ANO4: variants seen among roughly 807,000 people sequenced by gnomAD.
The protein encoded by ANO4 is anoctamin 4, also known as anoctamin-4.
In ANO4, 69 loss-of-function variants were observed where a neutral mutation model predicts 141.9. The observed-to-expected ratio is 0.49, with a 90% CI of 0.40 to 0.59. ANO4 has a LOEUF of 0.59. Among genes scored for constraint, ANO4 ranks in the 20% least tolerant of loss-of-function variants. The probability of loss-of-function intolerance (pLI) is 0.00; values close to 1 mark genes in which losing one functional copy is unlikely to be tolerated. For synonymous variants in ANO4, 350 were observed against 394.3 expected, an observed-to-expected ratio of 0.89 and a Z score of 1.33; for missense variants, 894 against 1,162.2, an observed-to-expected ratio of 0.77 and a Z score of 3.36.
At position 101,049,060 on chromosome 12, in the gene ANO4, C is replaced by A. The variant is rs189106744; in HGVS notation, c.1312+659C>A. Among the ~76,000 whole-genome samples the A allele has an allele frequency of 5.9e-3, 902 of 152,256 alleles. 5 individuals are homozygous for A. Among genetic ancestry groups the A allele is most frequent in the Middle Eastern group, 0.01 (3 of 292 alleles). On this transcript the variant is annotated intron_variant, in intron 14 of 27. Transcript: ENST00000392977. The stretch of plus-strand genomic sequence containing the variant: ...TCAATTTAATGATATAGAAAAACAT[C>A]TCACAAATTCATGGAAAGCAGTTAA...
chr12:101,114,600 G>T (rs556763943), intron 24 of ANO4, among the ~76,000 whole-genome samples: 70 of 152,250 alleles, frequency 4.6e-4, no homozygotes, highest in African/African-American at 1.6e-3. Context: ...TAAAGCCTCG[G>T]GGCTGGTCTG....
intron 3 of ANO4, among the ~76,000 whole-genome samples, chr12:100,930,661 A>T (rs954247325): frequency 1.1e-4 from 17 of 152,126 alleles, no homozygotes; most frequent in African/African-American, 3.9e-4. Flanking sequence ...TTTCTGTGGC[A>T]GAAGGAAGGT....
intron 11 of ANO4, among the ~76,000 whole-genome samples, chr12:101,040,651 A>G (rs2047376585): frequency 6.6e-6 from 1 of 152,148 alleles, no homozygotes; most frequent in Non-Finnish European, 1.5e-5. Context: ...CATGTGCAGA[A>G]CATGCAGTTT....
chr12:101,118,272 G>C (rs1239830992), intron 25 of ANO4, among the ~76,000 whole-genome samples: 2 of 152,094 alleles, frequency 1.3e-5, no homozygotes, highest in Admixed American at 1.3e-4. Flanking sequence ...TAAAAATACA[G>C]AGTCTTTCTC....
intron 14 of ANO4, among the ~76,000 whole-genome samples, chr12:101,072,862 T>C (rs970761744): frequency 1.3e-5 from 2 of 152,148 alleles, no homozygotes; most frequent in African/African-American, 4.8e-5. Context: ...ATCAGAGGAA[T>C]GCAAATCAAA....
At chr12:100,729,392 G>GAAAAAAAAAAAAAAA (rs2031289316) in intron 1 of ANO4, among the ~76,000 whole-genome samples, 1 of 65,212 alleles carries the variant, frequency 1.5e-5, no homozygotes, top group Non-Finnish European at 3.6e-5. Flanking sequence ...AAAAAAAAAG[G>GAAAAAAAAAAAAAAA]TAACACTAAT....
At chr12:100,949,625 T>C (rs1489793374) in intron 5 of ANO4, among the ~76,000 whole-genome samples, 1 of 152,226 alleles carries the variant, frequency 6.6e-6, no homozygotes, top group Non-Finnish European at 1.5e-5. Context: ...AGAAAAATTT[T>C]CATCCAGTTT....
At chr12:100,775,007 TG>T (rs2033445141) in intron 3 of ANO4, among the ~76,000 whole-genome samples, 1 of 152,216 alleles carries the variant, frequency 6.6e-6, no homozygotes, top group African/African-American at 2.4e-5. Flanking sequence ...AAGTACCTTT[TG>T]TTGTACTTCT....
At chr12:100,809,908 G>A (rs763820059) in intron 1 of ANO4, among the ~76,000 whole-genome samples, 4 of 152,112 alleles carry the variant, frequency 2.6e-5, no homozygotes, top group Non-Finnish European at 5.9e-5. Context: ...CATTAGGAAT[G>A]ACAGAGAGCC....
chr12:100,861,379 A>C (rs1005380199), intron 1 of ANO4, among the ~76,000 whole-genome samples: 5 of 152,216 alleles, frequency 3.3e-5, no homozygotes, highest in Admixed American at 6.5e-5. Context: ...CCTGTACAGC[A>C]TGTTACTGTA....
intron 24 of ANO4, among the ~76,000 whole-genome samples, chr12:101,111,939 A>G (rs1249035829): frequency 6.6e-6 from 1 of 152,170 alleles, no homozygotes; most frequent in Non-Finnish European, 1.5e-5. Context: ...CAAGTCAGAC[A>G]GGTTTTAGAT....
chr12:100,851,172 C>T lies in ANO4; in HGVS notation c.-140-50474C>T, dbSNP rs186541835. ...TTCCAGAGTAAGACTCTAATTTATA[C>T]CTCCATCATCAATTTATGAAGTTGT... On this transcript the variant is annotated intron_variant, in intron 1 of 27. Transcript: ENST00000392977. Among the ~76,000 whole-genome samples the T allele has an allele frequency of 2.6e-5, 4 of 152,218 alleles. No homozygotes were observed. The East Asian group carries it at 7.7e-4, about 29-fold the overall frequency.
At chr12:100,893,206 G>A (rs1256163863) in intron 1 of ANO4, among the ~76,000 whole-genome samples, 2 of 151,320 alleles carry the variant, frequency 1.3e-5, no homozygotes, top group Non-Finnish European at 2.9e-5. Context: ...TTGGATTAGG[G>A]CTATGAAAGA....
intron 14 of ANO4, chr12:101,068,832 G>A (rs1375804612): frequency 8.5e-6 from 9 of 1,054,536 alleles, no homozygotes; most frequent in Middle Eastern, 5.9e-4. Flanking sequence ...AGGTTGCTGA[G>A]CTATTTGAAA....
intron 3 of ANO4, among the ~76,000 whole-genome samples, chr12:100,742,417 A>G (rs1167447217): frequency 6.6e-6 from 1 of 152,062 alleles, no homozygotes; most frequent in African/African-American, 2.4e-5. Flanking sequence ...TTACTCATTT[A>G]TACTTAATTT....
intron 8 of ANO4, among the ~76,000 whole-genome samples, chr12:101,019,208 TGAA>T (rs1270945585): frequency 6.6e-6 from 1 of 152,166 alleles, no homozygotes; most frequent in East Asian, 1.9e-4. Flanking sequence ...TTATAATTTA[TGAA>T]GGAGTTACAT....
chr12:100,910,474 C>T (rs10507124), intron 2 of ANO4, among the ~76,000 whole-genome samples: 25,645 of 152,042 alleles, frequency 0.17, 2,726 homozygotes, highest in Middle Eastern at 0.35. Context: ...TTATCAATTT[C>T]ATTTTGACCT....
intron 3 of ANO4, among the ~76,000 whole-genome samples, chr12:100,789,625 C>T (rs76654037): frequency 0.044 from 6,719 of 152,246 alleles, 517 homozygotes; most frequent in African/African-American, 0.15. Context: ...TGAGGTGACA[C>T]AGCGCACTGA....
intron 5 of ANO4, among the ~76,000 whole-genome samples, chr12:100,964,496 G>C (rs148257982): frequency 6.6e-6 from 1 of 152,060 alleles, no homozygotes; most frequent in East Asian, 1.9e-4. Flanking sequence ...GCTTATCTGA[G>C]TTTCCAATTA....
Sources: allele counts gnomAD v4.1 joint callset (sites outside exome capture counted in the v4.1 genomes callset), GRCh38; gene constraint gnomAD v4.1.1; transcripts MANE v1.5; gene names NCBI Gene and HGNC (gene_info 2026-07-23, HGNC 2026-07-21).